PLA2G4D: variants seen among roughly 807,000 people sequenced by gnomAD.
The protein encoded by PLA2G4D is cytosolic phospholipase A2 delta.
A neutral mutation model predicts 94.4 loss-of-function variants in PLA2G4D; 80 were observed. That is an observed-to-expected ratio of 0.85 (90% CI 0.71 to 1.02). The LOEUF is 1.02. Ranked by LOEUF, PLA2G4D falls within the 50% of genes least tolerant of loss-of-function variation. PLA2G4D has a pLI of 0.00. For missense variants in PLA2G4D, 1,050 were observed against 1,034.7 expected, an observed-to-expected ratio of 1.01 and a Z score of -0.20; for synonymous variants, 438 against 440.9, an observed-to-expected ratio of 0.99 and a Z score of 0.08.
At chr15:42,093,163 C>T (rs1033502115) in intron 1 of PLA2G4D, among the ~76,000 whole-genome samples, 7 of 152,206 alleles carry the variant, frequency 4.6e-5, no homozygotes, top group Admixed American at 2.6e-4. Context: ...TAGGCTAAAC[C>T]GCTGCTGAAG....
At position 42,071,897 on chromosome 15, in the gene PLA2G4D, A is replaced by G; in HGVS notation, c.1450T>C (p.Ser484Pro). The part of the protein sequence containing the change: ...TLDFKEWVEF[S>P]PYEVGFLKYG... ...TTCAGGAAACCGACCTCATAGGGGG[A>G]GAACTCAACCCACTCTAATGGGGTG... is the stretch of plus-strand genomic sequence containing the variant. Residue 484 changes from serine (S) to proline (P), a missense_variant, in exon 15 of 20, where the codon TCC (serine) becomes CCC (proline). Transcript: ENST00000290472. 6.2e-7 allele frequency: 1 copy of G among 1,614,096 alleles called. No individual in the cohort carries two copies. The highest frequency in any genetic ancestry group is 1.1e-5 in the South Asian group (1 of 91,078).
At chr15:42,091,547 A>G (rs1262079437) in intron 1 of PLA2G4D, among the ~76,000 whole-genome samples, 1 of 152,076 alleles carries the variant, frequency 6.6e-6, no homozygotes, top group Admixed American at 6.5e-5. Flanking sequence ...AGTGTCAAGG[A>G]AAAACATCTG....
Position 42,068,176 on chromosome 15 carries a change from C to T in PLA2G4D, c.*539G>A, listed in dbSNP as rs1177682018. 2 of 152,492 alleles carry T rather than the reference C, an allele frequency of 1.3e-5. No individual in the cohort carries two copies. Among genetic ancestry groups the T allele is most frequent in the African/African-American group, 4.8e-5 (2 of 41,432 alleles). 9.4% of individuals were successfully genotyped at this position (152,492 alleles called of 1,614,324 possible). On this transcript the variant is annotated 3_prime_UTR_variant, in exon 20 of 20. Coordinates refer to ENST00000290472, the MANE Select transcript of PLA2G4D (RefSeq NM_178034.4). ...AATCTAAATGAAATTAAGAAAGTAA[C>T]TCCACTTATCAAAAAGAATAAAATA...
intron 13 of PLA2G4D, among the ~76,000 whole-genome samples, chr15:42,077,953 G>C (rs1186997256): frequency 6.6e-6 from 1 of 152,240 alleles, no homozygotes; most frequent in South Asian, 2.1e-4. Context: ...TCTCTGTAAG[G>C]CATGCTCACC....
At chr15:42,071,591 A>C (rs1341872842) in intron 15 of PLA2G4D, 40 bp from the exon 16 acceptor site, 1 of 1,573,038 alleles carries the variant, frequency 6.4e-7, no homozygotes, top group South Asian at 1.1e-5. Flanking sequence ...GGCCCCAGCC[A>C]GCGGCCCCAC....
chr15:42,083,346 G>A lies in PLA2G4D; in HGVS notation c.536-12C>T, dbSNP rs780512446. ...CAGCTTGTCCTGATCTAGGGAGAGA[G>A]TAGGCGGGTTAGCATGAGAACAAGA... On this transcript the variant is annotated splice_polypyrimidine_tract_variant and intron_variant, in intron 7 of 19. Coordinates refer to ENST00000290472, the MANE Select transcript of PLA2G4D (RefSeq NM_178034.4). 1.2e-6 allele frequency: 2 copies of A among 1,609,148 alleles called. No individual in the cohort carries two copies. The highest frequency in any genetic ancestry group is 1.7e-6 in the Non-Finnish European group (2 of 1,178,356).
rs1890123441 is a variant in PLA2G4D at position 42,085,468 on chromosome 15, C to T, written c.428+23G>A. ...CAGAGCCTGAGTCCTGAGACACTCC[C>T]TGGGCTGTGTGACATTACTCACGTT... is the stretch of plus-strand genomic sequence containing the variant. On this transcript the variant is annotated intron_variant, in intron 5 of 19. Transcript: ENST00000290472. 3.1e-6 allele frequency: 5 copies of T among 1,613,646 alleles called. No individual in the cohort carries two copies. In the South Asian group the frequency reaches 5.5e-5, roughly 18 times the overall value.
chr15:42,085,270 C>G, intron 5 of PLA2G4D, 132 bp from the exon 6 acceptor site: 2 of 1,142,374 alleles, frequency 1.8e-6, no homozygotes, highest in Non-Finnish European at 2.6e-6. Context: ...AGGGGAGATG[C>G]TTTGCAGGAG....
rs775265815 is a variant in PLA2G4D at position 42,070,850 on chromosome 15, G to C, written c.1910C>G (p.Thr637Ser). The C allele has an allele frequency of 7.4e-6, 12 of 1,611,884 alleles. No individual in the cohort carries two copies. Among genetic ancestry groups the C allele is most frequent in the Non-Finnish European group, 1.0e-5 (12 of 1,179,194 alleles). Residue 637 changes from threonine (T) to serine (S), a missense_variant, in exon 18 of 20, where the codon ACC becomes AGC. Coordinates refer to ENST00000290472, the MANE Select transcript of PLA2G4D (RefSeq NM_178034.4). ...CAGGCAGAGCCGGGGCTCCTTGGGG[G>C]TCAGCTGGCTGGGCATGGAGTCAAG... ...YQLDSMPSQL[T>S]PKEPRLCLVD...
chr15:42,089,394 G>T (rs1890211922), intron 1 of PLA2G4D, among the ~76,000 whole-genome samples: 1 of 152,174 alleles, frequency 6.6e-6, no homozygotes, highest in African/African-American at 2.4e-5. Context: ...TGGTGGCCCT[G>T]CCCCTGCATC....
chr15:42,090,226 G>A (rs1478684663), intron 1 of PLA2G4D, among the ~76,000 whole-genome samples: 2 of 152,136 alleles, frequency 1.3e-5, no homozygotes, highest in African/African-American at 2.4e-5. Context: ...ATAGTATTCT[G>A]AGGCTTAAAA....
At chr15:42,085,467 C>T in intron 5 of PLA2G4D, 24 bp downstream of exon 5, 1 of 1,613,588 alleles carries the variant, frequency 6.2e-7, no homozygotes, top group Non-Finnish European at 8.5e-7. Context: ...TGAGACACTC[C>T]CTGGGCTGTG....
chr15:42,092,192 A>G (rs1890257390), intron 1 of PLA2G4D, among the ~76,000 whole-genome samples: 1 of 152,158 alleles, frequency 6.6e-6, no homozygotes, highest in Non-Finnish European at 1.5e-5. Flanking sequence ...GCTTCAAAAG[A>G]CAGTACTCCC....
chr15:42,071,273 C>T lies in PLA2G4D; in HGVS notation c.1726G>A (p.Ala576Thr), dbSNP rs1889808457. ...TTSGTSSRLE[A>T]SWLQPGTALA... ...GCCGTGCCTGGCTGCAGCCACGAGG[C>T]CTCCAGCCGCGAGGAGGTCCCCGAG... The change falls in exon 17 of 20, where the codon GCC becomes ACC. Residue 576 changes from alanine to threonine, a missense_variant. By Grantham distance (58) the Ala-to-Thr change is moderately conservative (BLOSUM62 0). Transcript: ENST00000290472. The T allele has an allele frequency of 6.3e-7, 1 of 1,599,768 alleles. No homozygotes were observed. Among genetic ancestry groups the T allele is most frequent in the Non-Finnish European group, 8.5e-7 (1 of 1,175,928 alleles).
At chr15:42,071,007 C>G in intron 17 of PLA2G4D, 116 bp downstream of exon 17, 2 of 1,518,686 alleles carry the variant, frequency 1.3e-6, no homozygotes, top group Non-Finnish European at 1.8e-6. Flanking sequence ...CCAAGGGGAT[C>G]GTCTCCAGGC....
At position 42,083,242 on chromosome 15, in the gene PLA2G4D, G is replaced by A. The variant is rs1466794070; in HGVS notation, c.628C>T (p.His210Tyr). ...FLGTASAFRF[H>Y]YMAALETELS... ...TCTGTCTCTAGGGCTGCCATGTAGTGGAAGCGGAAGGCAGAGGCTGTGCCC... is the reference window on the plus strand; with the variant it reads ...TCTGTCTCTAGGGCTGCCATGTAGTAGAAGCGGAAGGCAGAGGCTGTGCCC... The change falls in exon 8 of 20, where the codon CAC becomes TAC. Residue 210 changes from histidine to tyrosine, a missense_variant. Transcript: ENST00000290472. 1.2e-6 allele frequency: 2 copies of A among 1,614,046 alleles called. No homozygotes were observed. Among genetic ancestry groups the A allele is most frequent in the East Asian group, 4.5e-5 (2 of 44,878 alleles).
At chr15:42,080,130 A>G (rs1262860576) in intron 12 of PLA2G4D, among the ~76,000 whole-genome samples, 4 of 152,204 alleles carry the variant, frequency 2.6e-5, no homozygotes, top group African/African-American at 7.2e-5. Flanking sequence ...TTCACTGTGT[A>G]TTTATAACAC....
Position 42,069,368 on chromosome 15 carries a change from T to C in PLA2G4D, c.2231-427A>G, listed in dbSNP as rs1889755995. 2.0e-5 allele frequency among the ~76,000 whole-genome samples: 3 copies of C among 152,054 alleles called. No homozygotes were observed. In the South Asian group the frequency reaches 6.2e-4, roughly 32 times the overall value. On this transcript the variant is annotated intron_variant, in intron 19 of 19. Coordinates refer to ENST00000290472, the MANE Select transcript of PLA2G4D (RefSeq NM_178034.4). ...GGGCTGAGCATGTTCAGAGGAAAGC[T>C]GGGAGATCTAGAATGATGGTAGGAA... is the stretch of plus-strand genomic sequence containing the variant.
rs960861498 is a variant in PLA2G4D, at chr15:42,067,040, A to G, written c.*1675T>C. The G allele has an allele frequency of 1.3e-5, 2 of 152,240 alleles. No individual in the cohort carries two copies. The highest frequency in any genetic ancestry group is 2.9e-5 in the Non-Finnish European group (2 of 68,044). 9.4% of individuals were successfully genotyped at this position (152,240 alleles called of 1,614,324 possible). ...CCCATATCACTGTTAAAAAAATAAG[A>G]GTCCATGATAAAGGGAAAAAGTGAA... On this transcript the variant is annotated 3_prime_UTR_variant, in exon 20 of 20. Transcript: ENST00000290472.
Sources: gnomAD v4.1 joint callset for allele counts (sites outside exome capture counted in the v4.1 genomes callset) on GRCh38, gnomAD v4.1.1 for gene constraint, MANE v1.5 for transcripts, NCBI Gene and HGNC (gene_info 2026-07-23, HGNC 2026-07-21) for gene names.